RPS6KA3: variants seen among roughly 807,000 people sequenced by gnomAD.
RPS6KA3 encodes ribosomal protein S6 kinase alpha-3.
Under a neutral mutation model 67.2 loss-of-function variants are expected in RPS6KA3, and 4 were observed. The observed-to-expected ratio is 0.06, with a 90% confidence interval of 0.03 to 0.14. RPS6KA3 has a LOEUF of 0.14. Among genes scored for constraint, RPS6KA3 ranks in the 10% least tolerant of loss-of-function variants. The pLI is 1.00. For synonymous variants in RPS6KA3, 182 were observed against 183.7 expected, an observed-to-expected ratio of 0.99 and a Z score of 0.07; for missense variants, 204 against 559.0, an observed-to-expected ratio of 0.36 and a Z score of 6.40.
rs1569182769 is a variant in RPS6KA3 at position 20,153,702 on chromosome X, C to CA, written c.*1695dup. 9.1e-6 allele frequency: 1 copy of CA among 109,776 alleles called. No individual in the cohort carries two copies. Among genetic ancestry groups the CA allele is most frequent in the Non-Finnish European group, 1.9e-5 (1 of 52,622 alleles). 9.0% of individuals were successfully genotyped at this position (109,776 alleles called of 1,213,427 possible). A position where few individuals can be genotyped will look rare whatever the true frequency, so the allele number is the denominator to read the frequency against. Reference sequence around the variant, plus strand: ...TGGTGTGATCTTGGCTCACTGCAACCACCACCTCCCAGGTTCAAGCGATTC... The same window carrying CA: ...TGGTGTGATCTTGGCTCACTGCAACCAACCACCTCCCAGGTTCAAGCGATTC... On this transcript the variant is annotated 3_prime_UTR_variant, in exon 22 of 22. Transcript: ENST00000379565.
At chrX:20,246,665 T>A (rs1209277038) in intron 1 of RPS6KA3, among the ~76,000 whole-genome samples, 1 of 112,060 alleles carries the variant, frequency 8.9e-6, no homozygotes, top group Non-Finnish European at 1.9e-5. Context: ...AAACCTCTGT[T>A]TCCCCATCTG....
At position 20,186,286 on chromosome X, in the gene RPS6KA3, G is replaced by A. The variant is rs750775886; in HGVS notation, c.845+10C>T. ...TCTCATCAAAACATCTATATTAAGG[G>A]AGTACTTACTTAAGAATCATAGTCA... On this transcript the variant is annotated intron_variant, in intron 10 of 21. Coordinates refer to ENST00000379565, the MANE Select transcript of RPS6KA3 (RefSeq NM_004586.3). 32 of 1,072,032 alleles carry A rather than the reference G, an allele frequency of 3.0e-5. No homozygotes were observed. In the South Asian group the frequency reaches 5.9e-4, roughly 20 times the overall value. The allele number at this position is 1,072,032 out of a possible 1,213,427, so 88.3% of individuals were successfully genotyped here.
At chrX:20,210,905 C>T (rs1391282792) in intron 2 of RPS6KA3, among the ~76,000 whole-genome samples, 2 of 109,625 alleles carry the variant, frequency 1.8e-5, no homozygotes, top group African/African-American at 6.7e-5. Context: ...GGGTTTCAGA[C>T]ACCCTTTTCT....
At chrX:20,197,616 A>G (rs186516054) in intron 4 of RPS6KA3, among the ~76,000 whole-genome samples, 3 of 112,050 alleles carry the variant, frequency 2.7e-5, no homozygotes, top group East Asian at 5.6e-4. Context: ...AACATTGATG[A>G]GACCTTGTTT....
chrX:20,233,629 T>C (rs1169696327), intron 2 of RPS6KA3, among the ~76,000 whole-genome samples: 1 of 109,745 alleles, frequency 9.1e-6, no homozygotes, highest in Non-Finnish European at 1.9e-5. Flanking sequence ...CATGTGCCTG[T>C]AGTACTAGCT....
chrX:20,204,529 C>A (rs2068526412), intron 3 of RPS6KA3, among the ~76,000 whole-genome samples: 1 of 112,210 alleles, frequency 8.9e-6, no homozygotes, highest in African/African-American at 3.2e-5. Context: ...CCTGTTGATA[C>A]AAGTATTCAC....
rs751753355 is a variant in RPS6KA3 at position 20,204,491 on chromosome X, T to C, written c.244-388A>G. On this transcript the variant is annotated intron_variant, in intron 3 of 21. Transcript: ENST00000379565. ...TCTACTGAGCCCGTCAAAATTGTTA[T>C]ACGGCGGTTCCTTCTTGACCACAAT... is the stretch of plus-strand genomic sequence containing the variant. Among the ~76,000 whole-genome samples, 7 of 112,703 alleles carry C rather than the reference T, an allele frequency of 6.2e-5. No individual in the cohort carries two copies. The South Asian group carries it at 2.2e-3, about 35-fold the overall frequency.
In RPS6KA3 at chrX:20,162,484, A is replaced by C. The variant is rs143415183; in HGVS notation, c.1841+480T>G. 6.4e-3 allele frequency among the ~76,000 whole-genome samples: 705 copies of C among 110,148 alleles called. 4 individuals are homozygous for C. Among genetic ancestry groups the C allele is most frequent in the African/African-American group, 0.022 (660 of 30,255 alleles). ...GCCATAAATGTGGAATTGTTACAGAATTGTATATATTAGATAACACGAGAA... is the reference window on the plus strand; with the variant it reads ...GCCATAAATGTGGAATTGTTACAGACTTGTATATATTAGATAACACGAGAA... On this transcript the variant is annotated intron_variant, in intron 19 of 21. Transcript: ENST00000379565.
chrX:20,227,589 T>A (rs2069154200), intron 2 of RPS6KA3, among the ~76,000 whole-genome samples: 1 of 111,386 alleles, frequency 9.0e-6, no homozygotes, highest in Non-Finnish European at 1.9e-5. Flanking sequence ...GAGATGAGCC[T>A]TCTTGAGAGT....
intron 4 of RPS6KA3, among the ~76,000 whole-genome samples, chrX:20,197,621 T>C (rs1330557289): frequency 5.4e-5 from 6 of 112,087 alleles, no homozygotes; most frequent in African/African-American, 1.6e-4. Flanking sequence ...TGATGAGACC[T>C]TGTTTAACTG....
chrX:20,266,459 C>G (rs1053639169), intron 1 of RPS6KA3, 105 bp downstream of exon 1: 11 of 657,281 alleles, frequency 1.7e-5, no homozygotes, highest in Non-Finnish European at 2.5e-5. Context: ...GGGAAAGACG[C>G]GAGCGGGATC....
chrX:20,186,356 A>T lies in RPS6KA3; in HGVS notation c.785T>A (p.Leu262His). ...TCCTTGGAAAGGGAGTGTACCAGTA[A>T]GCATTTCAAACTACAGAAAGGCAAA... The part of the protein sequence containing the change: ...WSFGVLMFEM[L>H]TGTLPFQGKD... Residue 262 changes from leucine (L) to histidine (H), a missense_variant, in exon 10 of 22, where the codon CTT (leucine) becomes CAT (histidine). Physicochemically the swap from Leu to His is moderately conservative, Grantham distance 99 (BLOSUM62 -3). Coordinates refer to ENST00000379565, the MANE Select transcript of RPS6KA3 (RefSeq NM_004586.3). 8.5e-7 allele frequency: 1 copy of T among 1,176,720 alleles called. No homozygotes were observed. The highest frequency in any genetic ancestry group is 1.8e-5 in the South Asian group (1 of 56,274).
chrX:20,171,664 G>GT (rs1350386489), intron 15 of RPS6KA3, among the ~76,000 whole-genome samples: 1 of 111,458 alleles, frequency 9.0e-6, no homozygotes, highest in East Asian at 2.8e-4. Flanking sequence ...TATTTTTGAG[G>GT]TTTTAGGCAT....
intron 13 of RPS6KA3, among the ~76,000 whole-genome samples, chrX:20,175,586 T>C (rs1191710845): frequency 8.9e-6 from 1 of 112,133 alleles, no homozygotes; most frequent in African/African-American, 3.2e-5. Flanking sequence ...TGCTGTCCCA[T>C]GGAATTTCCT....
At chrX:20,162,697 CA>C (rs2067335401) in intron 19 of RPS6KA3, among the ~76,000 whole-genome samples, 1 of 110,094 alleles carries the variant, frequency 9.1e-6, no homozygotes, top group Non-Finnish European at 1.9e-5. Flanking sequence ...AGAAATCAGG[CA>C]GGTGTGGTGG....
intron 17 of RPS6KA3, among the ~76,000 whole-genome samples, chrX:20,166,508 T>C (rs920211257): frequency 9.0e-5 from 10 of 111,498 alleles, no homozygotes; most frequent in Non-Finnish European, 1.3e-4. Context: ...GTATTGAAAC[T>C]GAACTCCTTA....
intron 1 of RPS6KA3, among the ~76,000 whole-genome samples, chrX:20,241,419 T>C (rs1460395401): frequency 9.7e-6 from 1 of 103,128 alleles, no homozygotes; most frequent in East Asian, 2.9e-4. Flanking sequence ...GAGGACAAAC[T>C]TGAGTAAATG....
At chrX:20,198,249 G>A (rs1232424020) in intron 4 of RPS6KA3, among the ~76,000 whole-genome samples, 1 of 111,713 alleles carries the variant, frequency 9.0e-6, no homozygotes, top group Non-Finnish European at 1.9e-5. Context: ...ATGTGCAAGT[G>A]GTAACTAACA....
At chrX:20,190,773 T>C (rs1367796875) in intron 7 of RPS6KA3, among the ~76,000 whole-genome samples, 5 of 110,915 alleles carry the variant, frequency 4.5e-5, no homozygotes, top group Non-Finnish European at 9.4e-5. Flanking sequence ...ACATAAAATA[T>C]AAAAGCATAA....
Sources: gnomAD v4.1 joint callset for allele counts (sites outside exome capture counted in the v4.1 genomes callset) on GRCh38, gnomAD v4.1.1 for gene constraint, MANE v1.5 for transcripts, NCBI Gene and HGNC (gene_info 2026-07-23, HGNC 2026-07-21) for gene names.